The following FRMD4A variants were observed in gnomAD, a reference collection of about 807,000 sequenced individuals.
The protein encoded by FRMD4A is FERM domain containing 4A.
Under a neutral mutation model 129.1 loss-of-function variants are expected in FRMD4A, and 29 were observed. The ratio of observed to expected loss-of-function variants is 0.22; its 90% CI spans 0.17 to 0.31. FRMD4A has a LOEUF of 0.31. Among genes scored for constraint, FRMD4A ranks in the 10% least tolerant of loss-of-function variants. The pLI is 1.00. For synonymous variants in FRMD4A, 634 were observed against 571.6 expected, an observed-to-expected ratio of 1.11 and a Z score of -1.56; for missense variants, 1,272 against 1,375.8, an observed-to-expected ratio of 0.92 and a Z score of 1.19.
intron 2 of FRMD4A, among the ~76,000 whole-genome samples, chr10:14,209,791 GGT>G (rs1430841473): frequency 6.6e-6 from 1 of 151,988 alleles, no homozygotes; most frequent in East Asian, 1.9e-4. Flanking sequence ...AGGAGACTGA[GGT>G]GAGAGGACCA....
rs12413033 is a variant in FRMD4A, at chr10:14,204,373, G to A, written c.45+125685C>T. Among the ~76,000 whole-genome samples the A allele has an allele frequency of 5.2e-3, 795 of 152,002 alleles. 21 individuals are homozygous for A. Among genetic ancestry groups the A allele is most frequent in the Admixed American group, 0.05 (760 of 15,254 alleles). On this transcript the variant is annotated intron_variant, in intron 2 of 24. Coordinates refer to ENST00000357447, the MANE Select transcript of FRMD4A (RefSeq NM_018027.5). ...AGCCCAGGGAGGTTGAGGCTGCACC[G>A]AACTGTGATCAGCCATTGTACTCCA... is the stretch of plus-strand genomic sequence containing the variant.
At chr10:13,733,367 C>A (rs776979089) in intron 12 of FRMD4A, among the ~76,000 whole-genome samples, 1 of 152,178 alleles carries the variant, frequency 6.6e-6, no homozygotes, top group Non-Finnish European at 1.5e-5. Context: ...GACATCTTAG[C>A]GGGGTGGGGG....
intron 2 of FRMD4A, among the ~76,000 whole-genome samples, chr10:14,099,156 G>A (rs1429025187): frequency 6.6e-6 from 1 of 152,188 alleles, no homozygotes; most frequent in Non-Finnish European, 1.5e-5. Flanking sequence ...CCTCGGTCAA[G>A]CCTCAGACTC....
chr10:13,743,983 C>G (rs7082067), intron 9 of FRMD4A, among the ~76,000 whole-genome samples: 1,908 of 152,166 alleles, frequency 0.013, 44 homozygotes, highest in African/African-American at 0.043. Context: ...CACAGGGTTA[C>G]ATGGAGGAAA....
At chr10:13,793,684 T>C (rs1249615573) in intron 5 of FRMD4A, among the ~76,000 whole-genome samples, 1 of 152,108 alleles carries the variant, frequency 6.6e-6, no homozygotes, top group Non-Finnish European at 1.5e-5. Flanking sequence ...ACTGGAAAGG[T>C]ACCCAGCTGG....
At chr10:13,790,285 G>A (rs1458950156) in intron 5 of FRMD4A, among the ~76,000 whole-genome samples, 1 of 152,168 alleles carries the variant, frequency 6.6e-6, no homozygotes, top group Non-Finnish European at 1.5e-5. Flanking sequence ...GAAAGACGAC[G>A]ACATCATTAG....
intron 2 of FRMD4A, among the ~76,000 whole-genome samples, chr10:13,951,903 A>AATG: frequency 6.9e-6 from 1 of 144,826 alleles, no homozygotes; most frequent in East Asian, 2.0e-4. Context: ...TAATAATAAT[A>AATG]ATAATAATAA....
At chr10:13,884,040 G>A (rs1181972608) in intron 2 of FRMD4A, among the ~76,000 whole-genome samples, 3 of 151,456 alleles carry the variant, frequency 2.0e-5, no homozygotes, top group African/African-American at 4.9e-5. Flanking sequence ...TTGACTTCTC[G>A]AACTACAAGG....
Position 13,645,442 on chromosome 10 carries a change from C to G in FRMD4A, c.*1596G>C, listed in dbSNP as rs922832389. On this transcript the variant is annotated 3_prime_UTR_variant, in exon 25 of 25. Coordinates refer to ENST00000357447, the MANE Select transcript of FRMD4A (RefSeq NM_018027.5). ...CCTTTTTGTGCCATCTTGAATAACCCAACTAAAGTCGTGCACTTGTTACTA... is the reference window on the plus strand; with the variant it reads ...CCTTTTTGTGCCATCTTGAATAACCGAACTAAAGTCGTGCACTTGTTACTA... 1 of 152,508 alleles carries G rather than the reference C, an allele frequency of 6.6e-6. No individual in the cohort carries two copies. The highest frequency in any genetic ancestry group is 6.6e-5 in the Admixed American group (1 of 15,266). 9.4% of individuals were successfully genotyped at this position (152,508 alleles called of 1,614,324 possible).
chr10:13,907,652 G>A (rs540546210), intron 2 of FRMD4A, among the ~76,000 whole-genome samples: 30 of 152,234 alleles, frequency 2.0e-4, no homozygotes, highest in Non-Finnish European at 2.6e-4. Flanking sequence ...ATGGCTCCTA[G>A]TGACTCTGAG....
At chr10:13,735,714 T>A (rs1000951127) in intron 12 of FRMD4A, among the ~76,000 whole-genome samples, 1 of 152,252 alleles carries the variant, frequency 6.6e-6, no homozygotes, top group East Asian at 1.9e-4. Context: ...TTATCTCTGC[T>A]GTAGACCTCA....
At chr10:14,239,514 C>T (rs549816723) in intron 2 of FRMD4A, among the ~76,000 whole-genome samples, 31 of 152,242 alleles carry the variant, frequency 2.0e-4, no homozygotes, top group African/African-American at 7.5e-4. Context: ...GTAGTCCCAG[C>T]TACTAGGGAG....
chr10:13,671,249 T>C (rs1322075438), intron 16 of FRMD4A, among the ~76,000 whole-genome samples: 1 of 151,704 alleles, frequency 6.6e-6, no homozygotes, highest in Non-Finnish European at 1.5e-5. Context: ...AGATCAGGAG[T>C]CCGAGACCAG....
chr10:14,001,703 ACC>A (rs2095643406), intron 2 of FRMD4A, among the ~76,000 whole-genome samples: 1 of 152,204 alleles, frequency 6.6e-6, no homozygotes, highest in South Asian at 2.1e-4. Flanking sequence ...CATTCTATGA[ACC>A]AGAGAATTGG....
At chr10:13,811,796 T>C (rs1406169959) in intron 3 of FRMD4A, among the ~76,000 whole-genome samples, 1 of 152,006 alleles carries the variant, frequency 6.6e-6, no homozygotes, top group East Asian at 1.9e-4. Flanking sequence ...TTCCAGGTCA[T>C]GCATTTGAAA....
chr10:13,689,670 A>AGCCTCC (rs1265372192), intron 15 of FRMD4A, among the ~76,000 whole-genome samples: 1 of 151,032 alleles, frequency 6.6e-6, no homozygotes, highest in African/African-American at 2.4e-5. Flanking sequence ...CTCCAGCCTC[A>AGCCTCC]GCCTCCCAAG....
At chr10:14,318,301 C>T (rs1332795274) in intron 2 of FRMD4A, among the ~76,000 whole-genome samples, 2 of 151,484 alleles carry the variant, frequency 1.3e-5, no homozygotes, top group African/African-American at 2.4e-5. Context: ...GCATTGCAGT[C>T]CTGATACCAA....
intron 12 of FRMD4A, among the ~76,000 whole-genome samples, chr10:13,724,917 A>G (rs1215563169): frequency 6.6e-6 from 1 of 152,182 alleles, no homozygotes; most frequent in Admixed American, 6.5e-5. Context: ...CTGCAGTAGG[A>G]AAACCGCTTT....
rs149057875 is a variant in FRMD4A, at chr10:13,680,640, C to T, written c.1118-5596G>A. On this transcript the variant is annotated intron_variant, in intron 15 of 24. Transcript: ENST00000357447. Reference sequence around the variant, plus strand: ...ACTTGGGGAGCCGAGACAGGAGAATCGCTTGAACCTCGGAGGCGGAGGTTG... The same window carrying T: ...ACTTGGGGAGCCGAGACAGGAGAATTGCTTGAACCTCGGAGGCGGAGGTTG... Among the ~76,000 whole-genome samples, 622 of 152,148 alleles carry T rather than the reference C, an allele frequency of 4.1e-3. 4 individuals are homozygous for T. Among genetic ancestry groups the T allele is most frequent in the East Asian group, 0.026 (134 of 5,164 alleles).
Sources: gnomAD v4.1 joint callset for allele counts (sites outside exome capture counted in the v4.1 genomes callset) on GRCh38, gnomAD v4.1.1 for gene constraint, MANE v1.5 for transcripts, NCBI Gene and HGNC (gene_info 2026-07-23, HGNC 2026-07-21) for gene names.